The following WWC2 variants were observed in gnomAD, a reference collection of about 807,000 sequenced individuals.
WWC2 encodes WW and C2 domain containing 2.
A neutral mutation model predicts 138.5 loss-of-function variants in WWC2; 101 were observed. The observed-to-expected ratio is 0.73, with a 90% CI of 0.62 to 0.86. The LOEUF is 0.86. Ranked by LOEUF, WWC2 falls within the 40% of genes least tolerant of loss-of-function variation. WWC2 has a pLI of 0.00. For synonymous variants in WWC2, 558 were observed against 538.4 expected, an observed-to-expected ratio of 1.04 and a Z score of -0.50; for missense variants, 1,420 against 1,419.4, an observed-to-expected ratio of 1.00 and a Z score of -0.01.
At chr4:183,222,951 G>T (rs1463318034) in intron 4 of WWC2, among the ~76,000 whole-genome samples, 1 of 152,188 alleles carries the variant, frequency 6.6e-6, no homozygotes, top group Non-Finnish European at 1.5e-5. Flanking sequence ...GGGAGACAGA[G>T]TGAGATGCTG....
In WWC2 at chr4:183,319,968, A is replaced by T. The variant is rs200837132; in HGVS notation, c.*4239A>T. On this transcript the variant is annotated 3_prime_UTR_variant, in exon 23 of 23. Transcript: ENST00000403733. ...AAATCCCAGCCCATTTGACAGAAAC[A>T]TTAAGATCCTGGAGACCCTGAGTTC... is the stretch of plus-strand genomic sequence containing the variant. The T allele has an allele frequency of 1.9e-6, 3 of 1,613,644 alleles. No homozygotes were observed. Among genetic ancestry groups the T allele is most frequent in the East Asian group, 4.5e-5 (2 of 44,874 alleles).
intron 15 of WWC2, among the ~76,000 whole-genome samples, chr4:183,270,308 A>C (rs181946922): frequency 6.6e-6 from 1 of 152,300 alleles, no homozygotes; most frequent in Admixed American, 6.5e-5. Context: ...GGAATATGGA[A>C]AGCCTTTATC....
intron 4 of WWC2, among the ~76,000 whole-genome samples, chr4:183,236,330 C>T (rs557062616): frequency 2.0e-5 from 3 of 152,132 alleles, no homozygotes; most frequent in Non-Finnish European, 2.9e-5. Context: ...ATTCGTGAAT[C>T]GGGCGGCCCC....
chr4:183,319,725 G>T lies in WWC2; in HGVS notation c.*3996G>T. 1.2e-6 allele frequency: 2 copies of T among 1,614,012 alleles called. No individual in the cohort carries two copies. Among genetic ancestry groups the T allele is most frequent in the Non-Finnish European group, 1.7e-6 (2 of 1,179,976 alleles). ...TCCAGCAAACCAGCCCAGAAACAGG[G>T]CCTCCCCAAACTCCCACCTGGGGAC... On this transcript the variant is annotated 3_prime_UTR_variant, in exon 23 of 23. Coordinates refer to ENST00000403733, the MANE Select transcript of WWC2 (RefSeq NM_024949.6).
intron 2 of WWC2, among the ~76,000 whole-genome samples, chr4:183,198,142 G>T (rs536382349): frequency 6.6e-6 from 1 of 152,298 alleles, no homozygotes; most frequent in East Asian, 1.9e-4. Flanking sequence ...GTTCAAGGCT[G>T]CAATGCGCTG....
rs556389146 is a variant in WWC2 at position 183,202,542 on chromosome 4, C to T, written c.242-5411C>T. Among the ~76,000 whole-genome samples the T allele has an allele frequency of 2.6e-5, 4 of 152,276 alleles. No homozygotes were observed. The East Asian group carries it at 7.7e-4, about 29-fold the overall frequency. On this transcript the variant is annotated intron_variant, in intron 2 of 22. Transcript: ENST00000403733. ...TCATCTGCTGATCTGCCCCTGACAT[C>T]TTGTATAAATACATATGTGGTGGAG...
At chr4:183,301,740 C>T (rs1738846216) in intron 21 of WWC2, among the ~76,000 whole-genome samples, 1 of 152,126 alleles carries the variant, frequency 6.6e-6, no homozygotes, top group Non-Finnish European at 1.5e-5. Context: ...GCTTAAGTAA[C>T]ACATGGTTAT....
At chr4:183,285,724 C>T (rs758584831) in intron 19 of WWC2, among the ~76,000 whole-genome samples, 1 of 151,964 alleles carries the variant, frequency 6.6e-6, no homozygotes, top group Non-Finnish European at 1.5e-5. Context: ...CACGCCACTG[C>T]ACTCCAGCCT....
chr4:183,190,977 G>A (rs994492151), intron 1 of WWC2, among the ~76,000 whole-genome samples: 3 of 152,054 alleles, frequency 2.0e-5, no homozygotes, highest in Admixed American at 6.6e-5. Context: ...TAAACTTACC[G>A]TTCTCGTGTT....
intron 16 of WWC2, among the ~76,000 whole-genome samples, chr4:183,274,758 T>C (rs1396404920): frequency 6.6e-6 from 1 of 152,132 alleles, no homozygotes; most frequent in Non-Finnish European, 1.5e-5. Context: ...AATCAATAAG[T>C]TATATCAGAT....
chr4:183,206,947 G>T (rs981285741), intron 2 of WWC2, among the ~76,000 whole-genome samples: 1 of 152,170 alleles, frequency 6.6e-6, no homozygotes, highest in Non-Finnish European at 1.5e-5. Context: ...GGCCCCTACT[G>T]TAGCTTCACC....
chr4:183,138,036 T>G (rs1453906549), intron 1 of WWC2, among the ~76,000 whole-genome samples: 2 of 152,290 alleles, frequency 1.3e-5, no homozygotes, highest in African/African-American at 4.8e-5. Flanking sequence ...GGGTTTATAT[T>G]TACTTTTTCT....
At chr4:183,314,596 GA>G (rs1438686923) in intron 22 of WWC2, among the ~76,000 whole-genome samples, 1 of 152,190 alleles carries the variant, frequency 6.6e-6, no homozygotes, top group Non-Finnish European at 1.5e-5. Flanking sequence ...TCAGGAGCCC[GA>G]TGGTCCCTGG....
chr4:183,311,090 T>C (rs1162038999), intron 21 of WWC2, among the ~76,000 whole-genome samples: 12 of 152,192 alleles, frequency 7.9e-5, no homozygotes, highest in Non-Finnish European at 1.8e-4. Flanking sequence ...GAATGTTTGC[T>C]CTTCACCAAC....
chr4:183,149,726 A>T (rs1579988594), intron 1 of WWC2, among the ~76,000 whole-genome samples: 1 of 140,228 alleles, frequency 7.1e-6, no homozygotes, highest in African/African-American at 2.7e-5. Flanking sequence ...TATTTCTTGT[A>T]AATTGATAGT....
At chr4:183,262,165 AT>A (rs749978378) in intron 11 of WWC2, among the ~76,000 whole-genome samples, 4 of 152,228 alleles carry the variant, frequency 2.6e-5, no homozygotes, top group African/African-American at 9.6e-5. Context: ...GAAAAATATC[AT>A]TTTTTTGTTT....
chr4:183,102,205 C>A (rs1475151020), intron 1 of WWC2, among the ~76,000 whole-genome samples: 1 of 152,184 alleles, frequency 6.6e-6, no homozygotes, highest in African/African-American at 2.4e-5. Context: ...TCTAAACCTC[C>A]ATTTTTCAGC....
At chr4:183,300,327 C>T (rs991755959) in intron 21 of WWC2, among the ~76,000 whole-genome samples, 2 of 150,510 alleles carry the variant, frequency 1.3e-5, no homozygotes, top group Non-Finnish European at 3.0e-5. Flanking sequence ...GTGGTCCTTA[C>T]AAAGCAGGAA....
At chr4:183,262,775 TGTGC>T (rs533691294) in intron 11 of WWC2, among the ~76,000 whole-genome samples, 2,126 of 152,152 alleles carry the variant, frequency 0.014, 43 homozygotes, top group African/African-American at 0.043. Flanking sequence ...GTACGGTGTG[TGTGC>T]GTGCGTGCGT....
Sources: gnomAD v4.1 joint callset for allele counts (sites outside exome capture counted in the v4.1 genomes callset) on GRCh38, gnomAD v4.1.1 for gene constraint, MANE v1.5 for transcripts, NCBI Gene and HGNC (gene_info 2026-07-23, HGNC 2026-07-21) for gene names.